Variants in WDR70 observed in about 807,000 individuals in gnomAD.
The protein encoded by WDR70 is WD repeat-containing protein 70.
In WDR70, 53 loss-of-function variants were observed where a neutral mutation model predicts 88.6. That is an observed-to-expected ratio of 0.60 (90% confidence interval 0.48 to 0.75). WDR70 has a LOEUF of 0.75. Among genes scored for constraint, WDR70 ranks in the 30% least tolerant of loss-of-function variants. WDR70 has a pLI of 0.00. For missense variants in WDR70, 610 were observed against 823.2 expected (o/e 0.74, Z 3.17); for synonymous variants, 280 against 270.0 (o/e 1.04, Z -0.36).
At chr5:37,727,757 G>A (rs55654436) in intron 17 of WDR70, among the ~76,000 whole-genome samples, 4,735 of 151,948 alleles carry the variant, frequency 0.031, 98 homozygotes, top group Middle Eastern at 0.11. Flanking sequence ...TTAATTTTTT[G>A]TAGAGACAGT....
intron 5 of WDR70, among the ~76,000 whole-genome samples, chr5:37,413,930 G>A (rs1749606644): frequency 6.6e-6 from 1 of 151,940 alleles, no homozygotes; most frequent in Non-Finnish European, 1.5e-5. Flanking sequence ...TGGATCACCT[G>A]AGATTGGTAG....
chr5:37,593,450 G>A (rs1474914361), intron 9 of WDR70, among the ~76,000 whole-genome samples: 1 of 152,082 alleles, frequency 6.6e-6, no homozygotes, highest in Non-Finnish European at 1.5e-5. Context: ...GTTTCCAGCT[G>A]CATCCATGCC....
At chr5:37,422,850 C>T (rs1453313192) in intron 5 of WDR70, among the ~76,000 whole-genome samples, 1 of 152,046 alleles carries the variant, frequency 6.6e-6, no homozygotes, top group Non-Finnish European at 1.5e-5. Context: ...TGGTCTCGAA[C>T]TCCTGAGCTC....
At chr5:37,467,217 ACT>A (rs1271696758) in intron 7 of WDR70, among the ~76,000 whole-genome samples, 3 of 114,718 alleles carry the variant, frequency 2.6e-5, no homozygotes, top group African/African-American at 8.4e-5. Flanking sequence ...ACAGAATGAG[ACT>A]CTGTCTCAAA....
chr5:37,528,908 G>GTTTTTTTTTTTTTTTTTTTTTTTTTTTT (rs1228946391), intron 9 of WDR70, among the ~76,000 whole-genome samples: 1 of 137,568 alleles, frequency 7.3e-6, no homozygotes, highest in Non-Finnish European at 1.5e-5. Flanking sequence ...TCTAGAGGGG[G>GTTTTTTTTTTTTTTTTTTTTTTTTTTTT]TTTTTTTTTT....
chr5:37,702,905 G>A (rs1162665809), intron 12 of WDR70, 44 bp from the exon 13 acceptor site: 1 of 1,573,688 alleles, frequency 6.4e-7, no homozygotes, highest in Non-Finnish European at 8.7e-7. Flanking sequence ...CTGGACTGTT[G>A]TGGAGGTCAT....
intron 7 of WDR70, among the ~76,000 whole-genome samples, chr5:37,471,174 A>T (rs1302400547): frequency 1.3e-5 from 2 of 152,138 alleles, no homozygotes; most frequent in East Asian, 3.8e-4. Context: ...GAGCCACTGC[A>T]CCAGCCCATT....
At chr5:37,726,760 C>A in intron 16 of WDR70, 123 bp from the exon 17 acceptor site, 3 of 1,002,148 alleles carry the variant, frequency 3.0e-6, no homozygotes, top group Non-Finnish European at 4.0e-6. Context: ...TAAATCTAAG[C>A]TGAAAGGATG....
At chr5:37,519,306 A>G (rs1257699609) in intron 9 of WDR70, among the ~76,000 whole-genome samples, 6 of 145,644 alleles carry the variant, frequency 4.1e-5, no homozygotes, top group Non-Finnish European at 7.5e-5. Context: ...ATCCCAGAAG[A>G]TGGGCGGCTG....
intron 10 of WDR70, among the ~76,000 whole-genome samples, chr5:37,637,051 A>G (rs906223366): frequency 1.3e-5 from 2 of 152,148 alleles, no homozygotes; most frequent in African/African-American, 4.8e-5. Context: ...TTTAAAATGA[A>G]GAATTTTAGG....
At chr5:37,381,435 CAGA>C (rs1748420799) in intron 2 of WDR70, among the ~76,000 whole-genome samples, 164 bp from the exon 3 acceptor site, 1 of 152,152 alleles carries the variant, frequency 6.6e-6, no homozygotes, top group East Asian at 1.9e-4. Flanking sequence ...GGATTGTCAG[CAGA>C]AGTTTTCTGT....
In WDR70 at chr5:37,587,180, ACT is replaced by A. The variant is rs150839686; in HGVS notation, c.918-17881_918-17880del. ...CAAGTCTGATTGTGTAACCTAAGTC[ACT>A]CTTCTATTTAGTGGCTTCACAGTCT... is the stretch of plus-strand genomic sequence containing the variant. On this transcript the variant is annotated intron_variant, in intron 9 of 17. Transcript: ENST00000265107. 8.1e-3 allele frequency among the ~76,000 whole-genome samples: 1,235 copies of A among 151,680 alleles called. 19 individuals are homozygous for A. The highest frequency in any genetic ancestry group is 0.028 in the African/African-American group (1,170 of 41,352).
intron 5 of WDR70, among the ~76,000 whole-genome samples, chr5:37,415,298 A>G (rs1388328103): frequency 1.3e-5 from 2 of 151,370 alleles, no homozygotes. Flanking sequence ...GCTGTTGGGT[A>G]CACCTCCCAG....
intron 10 of WDR70, among the ~76,000 whole-genome samples, chr5:37,634,963 A>G (rs951762559): frequency 6.6e-6 from 1 of 152,020 alleles, no homozygotes; most frequent in Non-Finnish European, 1.5e-5. Flanking sequence ...GCTTGTATCC[A>G]TGCCTATTAC....
At chr5:37,615,886 C>A (rs4869535) in intron 10 of WDR70, among the ~76,000 whole-genome samples, 70,993 of 151,998 alleles carry the variant, frequency 0.47, 18,086 homozygotes, top group Non-Finnish European at 0.58. Context: ...CTCTCGCTTT[C>A]ATTCTACTTC....
intron 13 of WDR70, among the ~76,000 whole-genome samples, chr5:37,718,115 G>A (rs919032113): frequency 6.6e-6 from 1 of 152,262 alleles, no homozygotes; most frequent in East Asian, 1.9e-4. Context: ...TGAAAGGAGG[G>A]TAAATATGCT....
At chr5:37,598,035 A>G (rs774424662) in intron 9 of WDR70, among the ~76,000 whole-genome samples, 1 of 151,992 alleles carries the variant, frequency 6.6e-6, no homozygotes, top group Non-Finnish European at 1.5e-5. Flanking sequence ...TTTTTTGCAT[A>G]GGGATATCCA....
intron 9 of WDR70, among the ~76,000 whole-genome samples, chr5:37,574,780 CATGTATTAATA>C (rs1296456166): frequency 3.3e-5 from 5 of 152,164 alleles, no homozygotes; most frequent in Admixed American, 2.0e-4. Context: ...TGCACCCATC[CATGTATTAATA>C]ATTGACTAGA....
chr5:37,601,271 A>G (rs1743873647), intron 9 of WDR70, among the ~76,000 whole-genome samples: 1 of 152,182 alleles, frequency 6.6e-6, no homozygotes, highest in Non-Finnish European at 1.5e-5. Flanking sequence ...TTCTGCATCT[A>G]TTGAGATGTC....
Sources: gnomAD v4.1 joint callset for allele counts (sites outside exome capture counted in the v4.1 genomes callset) on GRCh38, gnomAD v4.1.1 for gene constraint, MANE v1.5 for transcripts, NCBI Gene and HGNC (gene_info 2026-07-23, HGNC 2026-07-21) for gene names.